KIF3C: variants seen among roughly 807,000 people sequenced by gnomAD.
KIF3C encodes the protein kinesin-like protein KIF3C.
KIF3C carries 12 observed loss-of-function variants against 67.7 expected under a neutral mutation model. The observed-to-expected ratio is 0.18, with a 90% CI of 0.11 to 0.29. The LOEUF (loss-of-function observed/expected upper bound fraction) is 0.29, where lower values mean the gene tolerates loss of function less well. Among genes scored for constraint, KIF3C ranks in the 10% least tolerant of loss-of-function variants. KIF3C has a pLI of 1.00. For missense variants in KIF3C, 789 were observed against 1,059.6 expected (o/e 0.74, Z 3.55); for synonymous variants, 393 against 426.2 (o/e 0.92, Z 0.96).
chr2:25,942,865 T>C (rs71439202), intron 5 of KIF3C, among the ~76,000 whole-genome samples: 4,548 of 152,278 alleles, frequency 0.03, 87 homozygotes, highest in South Asian at 0.048. Context: ...TTAGGAATAT[T>C]TCTCAAGAGC....
intron 5 of KIF3C, among the ~76,000 whole-genome samples, chr2:25,942,513 C>T (rs1030367144): frequency 3.3e-5 from 5 of 151,450 alleles, no homozygotes; most frequent in South Asian, 2.1e-4. Context: ...TGGGTTCAAG[C>T]GATTCTCCTG....
In KIF3C at chr2:25,955,778, C is replaced by G. The variant is rs1011414475; in HGVS notation, c.1648-115G>C. 1.2e-4 allele frequency: 144 copies of G among 1,231,332 alleles called. 2 individuals carry two copies. The South Asian group carries it at 2.0e-3, about 17-fold the overall frequency. 76.3% of individuals were successfully genotyped at this position (1,231,332 alleles called of 1,614,324 possible). Reference sequence around the variant, plus strand: ...CTCGGGACCTGGCTTCACCATGGCCCATGGCCCACATCCACTGCTCCCACC... The same window carrying G: ...CTCGGGACCTGGCTTCACCATGGCCGATGGCCCACATCCACTGCTCCCACC... On this transcript the variant is annotated intron_variant, in intron 2 of 7. Coordinates refer to ENST00000264712, the MANE Select transcript of KIF3C (RefSeq NM_002254.8). This position sits in a 1 kb window ranked among gnomAD's most constrained non-coding sequence, Gnocchi z 5.0.
chr2:25,980,482 C>A lies in KIF3C; in HGVS notation c.1436G>T (p.Arg479Leu). Reference sequence around the variant, plus strand: ...CTGCTTCTCCTCGCTCACCAGGCTGCGGTCATCCTGGATGGCTGCCTTCTC... The same window carrying A: ...CTGCTTCTCCTCGCTCACCAGGCTGAGGTCATCCTGGATGGCTGCCTTCTC... The part of the protein sequence containing the change: ...EEEKAAIQDD[R>L]SLVSEEKQKL... Residue 479 changes from arginine to leucine, a missense_variant, in exon 1 of 8, where the codon CGC (arginine) becomes CTC (leucine). Arg to Leu is a moderately radical substitution (Grantham distance 102). Transcript: ENST00000264712. This position sits in a 1 kb window ranked among gnomAD's most constrained non-coding sequence, Gnocchi z 7.6. 1 of 1,614,148 alleles carries A rather than the reference C, an allele frequency of 6.2e-7. No individual in the cohort carries two copies.
chr2:25,978,422 G>A (rs1347127681), intron 1 of KIF3C, among the ~76,000 whole-genome samples: 2 of 152,150 alleles, frequency 1.3e-5, no homozygotes, highest in South Asian at 2.1e-4. Flanking sequence ...AAGAGGCTGG[G>A]CTCTTCCATA....
At chr2:25,934,872 C>A (rs1378615994) in intron 5 of KIF3C, among the ~76,000 whole-genome samples, 1 of 151,698 alleles carries the variant, frequency 6.6e-6, no homozygotes, top group Non-Finnish European at 1.5e-5. Context: ...CTGTAGCGTG[C>A]TATGATTGTG....
intron 1 of KIF3C, among the ~76,000 whole-genome samples, chr2:25,959,014 T>A (rs1416505584): frequency 1.3e-5 from 2 of 151,328 alleles, no homozygotes; most frequent in Non-Finnish European, 3.0e-5. Flanking sequence ...GCGGAGGTTG[T>A]GGTGAGCCGA....
chr2:25,981,284 C>A lies in KIF3C; in HGVS notation c.634G>T (p.Val212Phe), dbSNP rs1042972015. The change falls in exon 1 of 8, where the codon GTC becomes TTC. Residue 212 changes from valine to phenylalanine, a missense_variant. Coordinates refer to ENST00000264712, the MANE Select transcript of KIF3C (RefSeq NM_002254.8). This position sits in a 1 kb window ranked among gnomAD's most constrained non-coding sequence, Gnocchi z 8.2. Reference protein sequence around the residue: ...RAVGSTHMNEVSSRSHAIFII... With the variant: ...RAVGSTHMNEFSSRSHAIFII... Reference sequence around the variant, plus strand: ...AAGATGGCATGGGAGCGGGAGCTGACCTCATTCATGTGGGTGCTGCCCACA... The same window carrying A: ...AAGATGGCATGGGAGCGGGAGCTGAACTCATTCATGTGGGTGCTGCCCACA... The A allele has an allele frequency of 6.2e-7, 1 of 1,613,862 alleles. No homozygotes were observed. Among genetic ancestry groups the A allele is most frequent in the African/African-American group, 1.3e-5 (1 of 74,924 alleles).
chr2:25,956,830 G>A (rs142142426), intron 1 of KIF3C, among the ~76,000 whole-genome samples: 152 of 152,298 alleles, frequency 1.0e-3, no homozygotes, highest in African/African-American at 3.3e-3. Flanking sequence ...CAGTCACCAG[G>A]TAGCCCAGCC....
At position 25,963,196 on chromosome 2, in the gene KIF3C, ATTTT is replaced by A. The variant is rs1165957083; in HGVS notation, c.1546-6756_1546-6753del. Among the ~76,000 whole-genome samples, 181 of 43,228 alleles carry A rather than the reference ATTTT, an allele frequency of 4.2e-3. 5 individuals carry two copies. The highest frequency in any genetic ancestry group is 0.02 in the African/African-American group (145 of 7,356). 28.4% of individuals were successfully genotyped at this position (43,228 alleles called of 152,430 possible). ...TGTGTATATATATATATATATATATATTTTTTTTTTTTTTTTTTTTTTTTTTAAA... is the reference window on the plus strand; with the variant it reads ...TGTGTATATATATATATATATATATATTTTTTTTTTTTTTTTTTTTTTAAA... On this transcript the variant is annotated intron_variant, in intron 1 of 7. Transcript: ENST00000264712.
chr2:25,967,783 A>G (rs1350799421), intron 1 of KIF3C, among the ~76,000 whole-genome samples: 1 of 152,194 alleles, frequency 6.6e-6, no homozygotes, highest in Admixed American at 6.6e-5. Flanking sequence ...CTGAGATTGC[A>G]CTACTGCATT....
rs1480733235 is a variant in KIF3C at position 25,927,777 on chromosome 2, C to T, written c.*1201G>A. Reference sequence around the variant, plus strand: ...TAAAAAGCCAGTCAATGAACATTAACCATTTTTTTTTGTAGAAATTTACTT... The same window carrying T: ...TAAAAAGCCAGTCAATGAACATTAATCATTTTTTTTTGTAGAAATTTACTT... On this transcript the variant is annotated 3_prime_UTR_variant, in exon 8 of 8. Coordinates refer to ENST00000264712, the MANE Select transcript of KIF3C (RefSeq NM_002254.8). 2 of 152,494 alleles carry T rather than the reference C, an allele frequency of 1.3e-5. No individual in the cohort carries two copies. Among genetic ancestry groups the T allele is most frequent in the Non-Finnish European group, 2.9e-5 (2 of 68,044 alleles). 9.4% of individuals were successfully genotyped at this position (152,494 alleles called of 1,614,324 possible).
At position 25,928,256 on chromosome 2, in the gene KIF3C, T is replaced by C. The variant is rs2090427995; in HGVS notation, c.*722A>G. ...CAAGTTGTCTCAATTGCTGTTCCAT[T>C]TCCTGCAGGTTCCAAGGCGATGGTA... On this transcript the variant is annotated 3_prime_UTR_variant, in exon 8 of 8. Coordinates refer to ENST00000264712, the MANE Select transcript of KIF3C (RefSeq NM_002254.8). The C allele has an allele frequency of 6.6e-6, 1 of 152,206 alleles. No homozygotes were observed. Among genetic ancestry groups the C allele is most frequent in the Admixed American group, 6.6e-5 (1 of 15,262 alleles). 9.4% of individuals were successfully genotyped at this position (152,206 alleles called of 1,614,324 possible).
Position 25,928,040 on chromosome 2 carries a change from G to C in KIF3C, c.*938C>G, listed in dbSNP as rs76826407. The C allele has an allele frequency of 0.033, 4,986 of 152,684 alleles. 138 individuals carry two copies. Among genetic ancestry groups the C allele is most frequent in the African/African-American group, 0.071 (2,937 of 41,544 alleles). 9.5% of individuals were successfully genotyped at this position (152,684 alleles called of 1,614,324 possible). ...ATAGATGTTAATATCTTCGTTTAGC[G>C]AGGGGTAGAATGACATTGACTCCTC... On this transcript the variant is annotated 3_prime_UTR_variant, in exon 8 of 8. Transcript: ENST00000264712.
At chr2:25,951,746 A>G in intron 5 of KIF3C, 43 bp downstream of exon 5, 1 of 1,372,910 alleles carries the variant, frequency 7.3e-7, no homozygotes, top group Non-Finnish European at 1.0e-6. Context: ...CCTGGAGTGG[A>G]CCCACAAGTC....
At chr2:25,978,225 C>A (rs1168200306) in intron 1 of KIF3C, among the ~76,000 whole-genome samples, 3 of 152,150 alleles carry the variant, frequency 2.0e-5, no homozygotes, top group Non-Finnish European at 2.9e-5. Context: ...CCCAGGGTCA[C>A]GAGCTGATAA....
intron 1 of KIF3C, 90 bp from the exon 2 acceptor site, chr2:25,956,534 C>T: frequency 1.1e-6 from 1 of 951,522 alleles, no homozygotes; most frequent in Non-Finnish European, 1.7e-6. Flanking sequence ...CTCTGTGGTC[C>T]TTCTGGGAGT....
At chr2:25,950,296 C>T (rs569792086) in intron 5 of KIF3C, among the ~76,000 whole-genome samples, 1 of 151,654 alleles carries the variant, frequency 6.6e-6, no homozygotes, top group African/African-American at 2.4e-5. Context: ...TGGCTCACTG[C>T]AACCTCCACC....
At chr2:25,953,798 G>A (rs536026913) in intron 4 of KIF3C, among the ~76,000 whole-genome samples, 89 of 151,718 alleles carry the variant, frequency 5.9e-4, no homozygotes, top group South Asian at 5.0e-3. Context: ...CTCCTGAGTA[G>A]CTGGGATTAC....
intron 1 of KIF3C, among the ~76,000 whole-genome samples, chr2:25,974,882 T>C (rs1033742040): frequency 6.6e-6 from 1 of 151,738 alleles, no homozygotes; most frequent in Non-Finnish European, 1.5e-5. Flanking sequence ...TAAAATTAGC[T>C]GGGTGTGGTG....
Sources: gnomAD v4.1 joint callset for allele counts (sites outside exome capture counted in the v4.1 genomes callset) on GRCh38, gnomAD v4.1.1 for gene constraint, Gnocchi (gnomAD v3.1) non-coding constraint, MANE v1.5 for transcripts, NCBI Gene and HGNC (gene_info 2026-07-23, HGNC 2026-07-21) for gene names.